PALS2: variants seen among roughly 807,000 people sequenced by gnomAD.
PALS2 encodes protein associated with LIN7 2, MAGUK p55 family member.
Under a neutral mutation model 61.6 loss-of-function variants are expected in PALS2, and 27 were observed. The ratio of observed to expected loss-of-function variants is 0.44; its 90% CI spans 0.32 to 0.60. PALS2 has a LOEUF of 0.60. Among genes scored for constraint, PALS2 ranks in the 20% least tolerant of loss-of-function variants. PALS2 has a pLI of 0.05. For synonymous variants in PALS2, 236 were observed against 218.6 expected (o/e 1.08, Z -0.70); for missense variants, 554 against 639.4 (o/e 0.87, Z 1.44).
chr7:24,675,850 A>G (rs1057178851), intron 9 of PALS2, among the ~76,000 whole-genome samples: 5 of 128,160 alleles, frequency 3.9e-5, no homozygotes, highest in African/African-American at 1.5e-4. Context: ...CGCAATAAAC[A>G]TACGTGTGCA....
intron 1 of PALS2, among the ~76,000 whole-genome samples, chr7:24,603,987 C>G (rs775820133): frequency 1.2e-4 from 19 of 152,034 alleles, no homozygotes; most frequent in Non-Finnish European, 1.9e-4. Flanking sequence ...CGGACTCTGA[C>G]TGGGCTCAGT....
chr7:24,687,759 C>A lies in PALS2; in HGVS notation c.*145C>A, dbSNP rs539214241. The A allele has an allele frequency of 1.5e-6, 1 of 684,520 alleles. No homozygotes were observed. Among genetic ancestry groups the A allele is most frequent in the South Asian group, 3.4e-5 (1 of 29,202 alleles). 42.4% of individuals were successfully genotyped at this position (684,520 alleles called of 1,614,324 possible). On this transcript the variant is annotated 3_prime_UTR_variant, in exon 12 of 12. Coordinates refer to ENST00000222644, the MANE Select transcript of PALS2 (RefSeq NM_001303037.2). The surrounding 1 kb of genome is among the most constrained non-coding windows in gnomAD (Gnocchi z 4.5). Reference sequence around the variant, plus strand: ...TGGTGTAGATTGAAATAATAGTACACTTCTGAATTTTTATATAAAATGTGG... The same window carrying A: ...TGGTGTAGATTGAAATAATAGTACAATTCTGAATTTTTATATAAAATGTGG...
chr7:24,669,971 T>A (rs140939295), intron 9 of PALS2, among the ~76,000 whole-genome samples: 5 of 152,314 alleles, frequency 3.3e-5, no homozygotes, highest in Non-Finnish European at 7.4e-5. Flanking sequence ...TAAAGACATA[T>A]AATGGGGAAA....
intron 1 of PALS2, among the ~76,000 whole-genome samples, chr7:24,610,914 T>C (rs1784089811): frequency 6.6e-6 from 1 of 152,144 alleles, no homozygotes; most frequent in South Asian, 2.1e-4. Context: ...AATTATTTTA[T>C]CTGTAAAATA....
chr7:24,577,770 T>TA (rs1384388967), intron 1 of PALS2, among the ~76,000 whole-genome samples: 1 of 152,184 alleles, frequency 6.6e-6, no homozygotes, highest in African/African-American at 2.4e-5. Flanking sequence ...CATTGCTACC[T>TA]AACCATCCTT....
At chr7:24,589,343 C>T (rs534012077) in intron 1 of PALS2, 5 of 152,254 alleles carry the variant, frequency 3.3e-5, no homozygotes, top group East Asian at 1.9e-4. Flanking sequence ...TCCACCCCAC[C>T]ACTGCAACTC....
intron 5 of PALS2, among the ~76,000 whole-genome samples, chr7:24,651,196 A>T (rs180984479): frequency 6.8e-4 from 103 of 152,316 alleles, no homozygotes; most frequent in Admixed American, 1.4e-3. Context: ...TTTAAAACTA[A>T]TTTTAGGTAA....
chr7:24,587,696 G>A (rs1223837708), intron 1 of PALS2, among the ~76,000 whole-genome samples: 1 of 152,042 alleles, frequency 6.6e-6, no homozygotes, highest in Non-Finnish European at 1.5e-5. Flanking sequence ...AGTGTGGAAA[G>A]TACGTGGCTT....
intron 1 of PALS2, among the ~76,000 whole-genome samples, chr7:24,620,585 G>GAA (rs146673072): frequency 6.8e-6 from 1 of 147,380 alleles, no homozygotes; most frequent in Non-Finnish European, 1.5e-5. Context: ...ACACCAATTT[G>GAA]AAAAAAAAAC....
chr7:24,612,651 A>T (rs1784155341), intron 1 of PALS2, among the ~76,000 whole-genome samples: 2 of 151,762 alleles, frequency 1.3e-5, no homozygotes, highest in Admixed American at 1.3e-4. Flanking sequence ...TTTGGTTATT[A>T]CGATTATTTA....
intron 9 of PALS2, among the ~76,000 whole-genome samples, chr7:24,669,772 C>T (rs1483367867): frequency 6.6e-6 from 1 of 152,156 alleles, no homozygotes; most frequent in Non-Finnish European, 1.5e-5. Context: ...CTTATAATCC[C>T]TTCAGTGTAA....
chr7:24,674,722 G>A (rs1043784416), intron 9 of PALS2: 1 of 152,068 alleles, frequency 6.6e-6, no homozygotes, highest in Non-Finnish European at 1.5e-5. Flanking sequence ...AAAATTTTCT[G>A]TTATAAAATT....
In PALS2 at chr7:24,618,449, A is replaced by G. The variant is rs1403845882; in HGVS notation, c.-2-5217A>G. ...GAAAAGTGCAGGGTGTACTTCAGAA[A>G]TGGTTCTGGTCTCAAGGTGATCGGT... On this transcript the variant is annotated intron_variant, in intron 1 of 11. Coordinates refer to ENST00000222644, the MANE Select transcript of PALS2 (RefSeq NM_001303037.2). The surrounding 1 kb of genome is among the most constrained non-coding windows in gnomAD (Gnocchi z 5.1). Among the ~76,000 whole-genome samples, 3 of 152,174 alleles carry G rather than the reference A, an allele frequency of 2.0e-5. No individual in the cohort carries two copies. Among genetic ancestry groups the G allele is most frequent in the African/African-American group, 4.8e-5 (2 of 41,450 alleles).
intron 1 of PALS2, among the ~76,000 whole-genome samples, chr7:24,605,775 G>GTATACATAAATACC (rs1434564356): frequency 2.0e-5 from 3 of 152,104 alleles, no homozygotes; most frequent in Non-Finnish European, 4.4e-5. Context: ...ATGTATACCT[G>GTATACATAAATACC]TGTAATAAAA....
At chr7:24,624,270 C>T in intron 2 of PALS2, 1 of 410,540 alleles carries the variant, frequency 2.4e-6, no homozygotes, top group Non-Finnish European at 4.0e-6. Context: ...CTCTTTAACT[C>T]ATTGATAAGT....
Position 24,641,820 on chromosome 7 carries a change from T to A in PALS2, c.222T>A (p.Asp74Glu). 1 of 1,613,256 alleles carries A rather than the reference T, an allele frequency of 6.2e-7. No homozygotes were observed. The highest frequency in any genetic ancestry group is 1.1e-5 in the South Asian group (1 of 90,796). The change falls in exon 3 of 12, where the codon GAT becomes GAA. Residue 74 changes from aspartate to glutamate, a missense_variant. Transcript: ENST00000222644. ...ACATCACTCCTCTAATAAATGTGGATGAAAATGTGGCAGAATTGGTTGGTA... is the reference window on the plus strand; with the variant it reads ...ACATCACTCCTCTAATAAATGTGGAAGAAAATGTGGCAGAATTGGTTGGTA... Reference protein sequence around the residue: ...LEDITPLINVDENVAELVGIL... With the variant: ...LEDITPLINVEENVAELVGIL...
At chr7:24,607,893 A>C (rs888576094) in intron 1 of PALS2, among the ~76,000 whole-genome samples, 4 of 152,148 alleles carry the variant, frequency 2.6e-5, no homozygotes, top group African/African-American at 9.7e-5. Context: ...GTAAATAAAA[A>C]TTGATGTATT....
At chr7:24,633,624 C>T (rs1420046030) in intron 2 of PALS2, among the ~76,000 whole-genome samples, 1 of 151,890 alleles carries the variant, frequency 6.6e-6, no homozygotes, top group Admixed American at 6.6e-5. Context: ...TAGGAAAATT[C>T]TCAGTTTCAG....
intron 1 of PALS2, among the ~76,000 whole-genome samples, chr7:24,621,707 T>G (rs1784528707): frequency 6.6e-6 from 1 of 152,006 alleles, no homozygotes; most frequent in Non-Finnish European, 1.5e-5. Flanking sequence ...AAAACTGTAT[T>G]TTATAAGCCA....
Sources: allele counts gnomAD v4.1 joint callset (sites outside exome capture counted in the v4.1 genomes callset), GRCh38; gene constraint gnomAD v4.1.1; non-coding constraint Gnocchi (gnomAD v3.1); transcripts MANE v1.5; gene names NCBI Gene and HGNC (gene_info 2026-07-23, HGNC 2026-07-21).